Variants in HIPK2 observed in about 807,000 individuals in gnomAD.
HIPK2 encodes the protein homeodomain interacting protein kinase 2.
Under a neutral mutation model 113.7 loss-of-function variants are expected in HIPK2, and 27 were observed. The ratio of observed to expected loss-of-function variants is 0.24; its 90% CI spans 0.17 to 0.33. The LOEUF (loss-of-function observed/expected upper bound fraction) is 0.33. Among genes scored for constraint, HIPK2 ranks in the 10% least tolerant of loss-of-function variants. The probability of loss-of-function intolerance (pLI) is 1.00; values close to 1 mark genes in which losing one functional copy is unlikely to be tolerated. For synonymous variants in HIPK2, 631 were observed against 642.2 expected, an observed-to-expected ratio of 0.98 and a Z score of 0.26; for missense variants, 1,257 against 1,588.0, an observed-to-expected ratio of 0.79 and a Z score of 3.54.
chr7:139,763,187 A>G (rs1796496073), intron 1 of HIPK2, among the ~76,000 whole-genome samples: 1 of 152,202 alleles, frequency 6.6e-6, no homozygotes. Flanking sequence ...GCAAGCCGGG[A>G]CTGTGCTGTG....
chr7:139,777,984 GGC>G lies in HIPK2; in HGVS notation c.-363_-362del, dbSNP rs1796822924. Among the ~76,000 whole-genome samples, 1 of 145,502 alleles carries G rather than the reference GGC, an allele frequency of 6.9e-6. No individual in the cohort carries two copies. Among genetic ancestry groups the G allele is most frequent in the African/African-American group, 2.5e-5 (1 of 40,318 alleles). On this transcript the variant is annotated 5_prime_UTR_variant, in exon 1 of 15. Coordinates refer to ENST00000406875, the MANE Select transcript of HIPK2 (RefSeq NM_022740.5). ...GGCAGCGCGCGGCCAGGGCCGGCGG[GGC>G]TCAGCTCAGCATGGCTGGGCGCGGG...
chr7:139,746,122 T>C (rs1298445795), intron 1 of HIPK2, among the ~76,000 whole-genome samples: 1 of 152,012 alleles, frequency 6.6e-6, no homozygotes, highest in East Asian at 1.9e-4. Context: ...TTCAGTGCAG[T>C]CCCTCTGAAC....
Position 139,563,780 on chromosome 7 carries a change from T to C in HIPK2, c.*9147A>G, listed in dbSNP as rs908311288. ...GTTCACAGGGAAAAAGCAAATGTGG[T>C]ATTTTTTTGTATTTTTTAAAAGCTC... On this transcript the variant is annotated 3_prime_UTR_variant, in exon 15 of 15. Transcript: ENST00000406875. 2 of 398,340 alleles carry C rather than the reference T, an allele frequency of 5.0e-6. No homozygotes were observed. The highest frequency in any genetic ancestry group is 4.1e-5 in the African/African-American group (2 of 48,582). The allele number at this position is 398,340 out of a possible 1,614,324, so 24.7% of individuals were successfully genotyped here.
At chr7:139,576,806 C>A (rs1405939624) in intron 13 of HIPK2, among the ~76,000 whole-genome samples, 1 of 152,246 alleles carries the variant, frequency 6.6e-6, no homozygotes, top group Non-Finnish European at 1.5e-5. Context: ...GCATGAGTGT[C>A]CAGCCCAGCA....
Position 139,777,757 on chromosome 7 carries a change from G to T in HIPK2, c.-134C>A, listed in dbSNP as rs931659854. 9 of 843,110 alleles carry T rather than the reference G, an allele frequency of 1.1e-5. No individual in the cohort carries two copies. Among genetic ancestry groups the T allele is most frequent in the African/African-American group, 5.6e-5 (3 of 53,606 alleles). The allele number at this position is 843,110 out of a possible 1,614,324, so 52.2% of individuals were successfully genotyped here. A position where few individuals can be genotyped will look rare whatever the true frequency, so the allele number is the denominator to read the frequency against. On this transcript the variant is annotated 5_prime_UTR_variant, in exon 1 of 15. Coordinates refer to ENST00000406875, the MANE Select transcript of HIPK2 (RefSeq NM_022740.5). ...TCTCGGCGCAGCCGAGGCCGCCCGC[G>T]CCCGCATCACCGCCTCCCGTGGCCG...
At chr7:139,600,098 C>T (rs150444346) in intron 11 of HIPK2, among the ~76,000 whole-genome samples, 121 of 152,230 alleles carry the variant, frequency 7.9e-4, no homozygotes, top group African/African-American at 2.8e-3. Context: ...TCCACCGACA[C>T]CCCCCAACCC....
chr7:139,625,137 C>T (rs956269971), intron 6 of HIPK2, among the ~76,000 whole-genome samples: 2 of 152,200 alleles, frequency 1.3e-5, no homozygotes, highest in Non-Finnish European at 2.9e-5. Flanking sequence ...ATGACACTGG[C>T]CCATCCCTGT....
chr7:139,655,074 T>G (rs912327047), intron 2 of HIPK2, among the ~76,000 whole-genome samples: 2 of 152,078 alleles, frequency 1.3e-5, no homozygotes, highest in Non-Finnish European at 2.9e-5. Flanking sequence ...GCTCTGACTG[T>G]GGGGGGAATT....
chr7:139,748,959 C>A (rs1034015992), intron 1 of HIPK2, among the ~76,000 whole-genome samples: 2 of 152,220 alleles, frequency 1.3e-5, no homozygotes, highest in African/African-American at 4.8e-5. Context: ...CCACATGAGG[C>A]TATTTCCATG....
At chr7:139,718,635 C>T (rs1050266522) in intron 1 of HIPK2, among the ~76,000 whole-genome samples, 1 of 152,196 alleles carries the variant, frequency 6.6e-6, no homozygotes, top group Admixed American at 6.5e-5. Context: ...CTTGAACCTG[C>T]TTCCACCACT....
chr7:139,576,788 A>C (rs1798507181), intron 13 of HIPK2, among the ~76,000 whole-genome samples: 1 of 152,254 alleles, frequency 6.6e-6, no homozygotes, highest in Non-Finnish European at 1.5e-5. Context: ...AGGACAGGGC[A>C]GGACAGGGCA....
rs1481819647 is a variant in HIPK2 at position 139,631,588 on chromosome 7, T to A, written c.1227+14A>T. 1.9e-6 allele frequency: 3 copies of A among 1,608,378 alleles called. No individual in the cohort carries two copies. Among genetic ancestry groups the A allele is most frequent in the East Asian group, 2.2e-5 (1 of 44,840 alleles). On this transcript the variant is annotated intron_variant, in intron 3 of 14. Transcript: ENST00000406875. The surrounding 1 kb of genome is among the most constrained non-coding windows in gnomAD (Gnocchi z 4.9). ...GAATGAGGTCTTGTGAATATCTGTGTCATCTGGACCCACCTGATCATACTC... is the reference window on the plus strand; with the variant it reads ...GAATGAGGTCTTGTGAATATCTGTGACATCTGGACCCACCTGATCATACTC...
At chr7:139,653,136 T>C (rs1269177360) in intron 2 of HIPK2, among the ~76,000 whole-genome samples, 1 of 67,806 alleles carries the variant, frequency 1.5e-5, no homozygotes, top group African/African-American at 7.2e-5. Flanking sequence ...CAAGACTCTG[T>C]CTCAAAAAAA....
intron 2 of HIPK2, among the ~76,000 whole-genome samples, chr7:139,690,880 T>A (rs1317555082): frequency 6.6e-6 from 1 of 152,124 alleles, no homozygotes; most frequent in African/African-American, 2.4e-5. Flanking sequence ...CTTTTCTTTA[T>A]AAATTACCCA....
chr7:139,602,844 C>A (rs1799484404), intron 10 of HIPK2, among the ~76,000 whole-genome samples: 1 of 152,178 alleles, frequency 6.6e-6, no homozygotes, highest in Admixed American at 6.5e-5. Flanking sequence ...TCCCAACAAT[C>A]CTGTGAAGCA....
At chr7:139,722,181 T>G (rs1585421240) in intron 1 of HIPK2, 2 of 199,108 alleles carry the variant, frequency 1.0e-5, no homozygotes, top group Middle Eastern at 1.1e-3. Flanking sequence ...AAACAACTTC[T>G]ATTACACAAC....
In HIPK2 at chr7:139,561,661, TTTAA is replaced by T. The variant is rs776080595; in HGVS notation, c.*11262_*11265del. ...AATATGCATATGTGAGTTTACAAAT[TTTAA>T]TTAATAAGTCATTTCACCTCGGAGA... On this transcript the variant is annotated 3_prime_UTR_variant, in exon 15 of 15. Transcript: ENST00000406875. 2.0e-5 allele frequency: 3 copies of T among 152,188 alleles called. No homozygotes were observed. Among genetic ancestry groups the T allele is most frequent in the African/African-American group, 7.2e-5 (3 of 41,440 alleles). The allele number at this position is 152,188 out of a possible 1,614,324, so 9.4% of individuals were successfully genotyped here.
chr7:139,665,385 C>T lies in HIPK2; in HGVS notation c.1104-33660G>A, dbSNP rs182953962. On this transcript the variant is annotated intron_variant, in intron 2 of 14. Coordinates refer to ENST00000406875, the MANE Select transcript of HIPK2 (RefSeq NM_022740.5). ...ATTCATCTACATTAGGGATCCCAAC[C>T]CTTCTTCTTTTTTATCTCACATTCA... Among the ~76,000 whole-genome samples the T allele has an allele frequency of 2.2e-4, 34 of 152,268 alleles. No individual in the cohort carries two copies. In the East Asian group the frequency reaches 6.2e-3, roughly 28 times the overall value.
intron 2 of HIPK2, among the ~76,000 whole-genome samples, chr7:139,693,881 C>T (rs1794487183): frequency 1.3e-5 from 2 of 152,066 alleles, no homozygotes; most frequent in Admixed American, 1.3e-4. Flanking sequence ...ATGCAGTATC[C>T]CGCAGGCAGC....
Sources: gnomAD v4.1 joint callset for allele counts (sites outside exome capture counted in the v4.1 genomes callset) on GRCh38, gnomAD v4.1.1 for gene constraint, Gnocchi (gnomAD v3.1) non-coding constraint, MANE v1.5 for transcripts, NCBI Gene and HGNC (gene_info 2026-07-23, HGNC 2026-07-21) for gene names.